The following MAX variants were observed in gnomAD, a reference collection of about 807,000 sequenced individuals.
MAX encodes protein max.
MAX carries 3 observed loss-of-function variants against 22.3 expected under a neutral mutation model. That is an observed-to-expected ratio of 0.13 (90% confidence interval 0.06 to 0.35). MAX has a LOEUF of 0.35. Among genes scored for constraint, MAX ranks in the 10% least tolerant of loss-of-function variants. The probability of loss-of-function intolerance (pLI) is 1.00; values close to 1 mark genes in which losing one functional copy is unlikely to be tolerated. For missense variants in MAX, 119 were observed against 209.4 expected (o/e 0.57, Z 2.66); for synonymous variants, 72 against 77.7 (o/e 0.93, Z 0.39).
chr14:65,042,232 A>G (rs1239358896), intron 3 of MAX, among the ~76,000 whole-genome samples: 1 of 152,158 alleles, frequency 6.6e-6, no homozygotes, highest in Non-Finnish European at 1.5e-5. Context: ...ATTCAAGTAC[A>G]TTACATTTAT....
intron 3 of MAX, among the ~76,000 whole-genome samples, chr14:65,026,121 G>A (rs931348163): frequency 1.2e-4 from 18 of 152,244 alleles, no homozygotes; most frequent in South Asian, 1.0e-3. Flanking sequence ...AGGTGAAAGC[G>A]CCCAGGAAAG....
chr14:65,101,832 C>T lies in MAX; in HGVS notation c.37-260G>A, dbSNP rs2063851857. 4.2e-5 allele frequency: 24 copies of T among 573,622 alleles called. No homozygotes were observed. In the South Asian group the frequency reaches 4.8e-4, roughly 12 times the overall value. 35.5% of individuals were successfully genotyped at this position (573,622 alleles called of 1,614,324 possible). ...GAGGGGTCCCGAGCACTGTCTCCTC[C>T]CTGCAGACCCAGCTCGGGCATCTAG... On this transcript the variant is annotated intron_variant, in intron 1 of 4. Coordinates refer to ENST00000358664, the MANE Select transcript of MAX (RefSeq NM_002382.5).
rs563364471 is a variant in MAX, at chr14:65,014,649, A to G, written c.172-8365T>C. On this transcript the variant is annotated intron_variant, in intron 3 of 3. Transcript: ENST00000341653. This position sits in a 1 kb window ranked among gnomAD's most constrained non-coding sequence, Gnocchi z 5.1. ...GGCAACATAGTGGGATGCTGTCTCT[A>G]TAAAAACTTAAAAAATTAGCCAGGC... is the stretch of plus-strand genomic sequence containing the variant. Among the ~76,000 whole-genome samples, 2 of 152,242 alleles carry G rather than the reference A, an allele frequency of 1.3e-5. No individual in the cohort carries two copies. Among genetic ancestry groups the G allele is most frequent in the South Asian group, 2.1e-4 (1 of 4,816 alleles).
intron 3 of MAX, chr14:65,061,218 A>C: frequency 6.2e-7 from 1 of 1,614,174 alleles, no homozygotes. Flanking sequence ...GGACCAGACA[A>C]GGTGATCCAG....
chr14:65,051,367 T>C (rs971747430), intron 3 of MAX, among the ~76,000 whole-genome samples: 2 of 152,236 alleles, frequency 1.3e-5, no homozygotes, highest in Non-Finnish European at 2.9e-5. Flanking sequence ...CCCAGTACTT[T>C]GGGAGGCCAA....
rs117158067 is a variant in MAX, at chr14:65,077,245, C to T, written c.296-582G>A. The T allele has an allele frequency of 1.4e-3, 1,277 of 883,890 alleles. 17 individuals are homozygous for T. In the East Asian group the frequency reaches 0.032, roughly 22 times the overall value. The allele number at this position is 883,890 out of a possible 1,614,324, so 54.8% of individuals were successfully genotyped here. The stretch of plus-strand genomic sequence containing the variant: ...CAACCCACTGACACCACCCACTGCC[C>T]ATCCCTTGGTTCAGCTCAGCTTGAG... On this transcript the variant is annotated intron_variant, in intron 4 of 4. Coordinates refer to ENST00000358664, the MANE Select transcript of MAX (RefSeq NM_002382.5). The surrounding 1 kb of genome is among the most constrained non-coding windows in gnomAD (Gnocchi z 6.3).
chr14:65,077,212 C>T lies in MAX; in HGVS notation c.296-549G>A, dbSNP rs1252123569. 4 of 703,784 alleles carry T rather than the reference C, an allele frequency of 5.7e-6. No individual in the cohort carries two copies. The Admixed American group carries it at 8.6e-5, about 15-fold the overall frequency. 43.6% of individuals were successfully genotyped at this position (703,784 alleles called of 1,614,324 possible). ...AGCCCCTACATGCAGGCTGCCTGGC[C>T]CAGTAACCAACCCACTGACACCACC... is the stretch of plus-strand genomic sequence containing the variant. On this transcript the variant is annotated intron_variant, in intron 4 of 4. Coordinates refer to ENST00000358664, the MANE Select transcript of MAX (RefSeq NM_002382.5). This position sits in a 1 kb window ranked among gnomAD's most constrained non-coding sequence, Gnocchi z 6.3.
At chr14:65,048,075 C>A (rs961273692) in intron 3 of MAX, among the ~76,000 whole-genome samples, 1 of 143,120 alleles carries the variant, frequency 7.0e-6, no homozygotes, top group Admixed American at 7.4e-5. Context: ...GTAGCCTCCT[C>A]GGTTCAATTG....
At chr14:65,057,646 C>CA (rs1303878434) in intron 3 of MAX, among the ~76,000 whole-genome samples, 1 of 152,178 alleles carries the variant, frequency 6.6e-6, no homozygotes, top group Non-Finnish European at 1.5e-5. Flanking sequence ...GGCAATGCAG[C>CA]AAGTCATTAA....
chr14:65,038,699 C>T (rs939983884), intron 3 of MAX, among the ~76,000 whole-genome samples: 6 of 152,326 alleles, frequency 3.9e-5, no homozygotes, highest in African/African-American at 1.4e-4. Context: ...GCCTCGGCAT[C>T]AGAGCGAGAC....
In MAX at chr14:65,054,760, C is replaced by G. The variant is rs751560364; in HGVS notation, c.171+38948G>C. ...GCGGACAGAAGGCTTTCCAAGTAAG[C>G]AGAACTGGCTCTGCATTTCCTGTGT... is the stretch of plus-strand genomic sequence containing the variant. On this transcript the variant is annotated intron_variant, in intron 3 of 3. Transcript: ENST00000341653. The surrounding 1 kb of genome is among the most constrained non-coding windows in gnomAD (Gnocchi z 4.4). 3.0e-5 allele frequency: 44 copies of G among 1,485,308 alleles called. No homozygotes were observed. Among genetic ancestry groups the G allele is most frequent in the Non-Finnish European group, 4.0e-5 (44 of 1,089,696 alleles). The allele number at this position is 1,485,308 out of a possible 1,614,324, so 92.0% of individuals were successfully genotyped here. A position where few individuals can be genotyped will look rare whatever the true frequency, so the allele number is the denominator to read the frequency against.
rs1047636053 is a variant in MAX, at chr14:65,102,195, G to A, written c.36+109C>T. ...GCACTCCTGGCCCCGAGGGGAAGGGGAAGGAGGCGGCGGCAGCCCGGCCCC... is the reference window on the plus strand; with the variant it reads ...GCACTCCTGGCCCCGAGGGGAAGGGAAAGGAGGCGGCGGCAGCCCGGCCCC... On this transcript the variant is annotated intron_variant, in intron 1 of 4. Coordinates refer to ENST00000358664, the MANE Select transcript of MAX (RefSeq NM_002382.5). 4.5e-6 allele frequency: 7 copies of A among 1,558,352 alleles called. No homozygotes were observed. The African/African-American group carries it at 6.8e-5, about 15-fold the overall frequency.
chr14:65,013,967 TGAG>T (rs1014357445), intron 3 of MAX, among the ~76,000 whole-genome samples: 9 of 152,326 alleles, frequency 5.9e-5, no homozygotes, highest in African/African-American at 2.2e-4. Flanking sequence ...GCGAGTAAGA[TGAG>T]GAGCTGGGAT....
At chr14:65,099,895 T>C (rs1228469345) in intron 2 of MAX, among the ~76,000 whole-genome samples, 3 of 152,206 alleles carry the variant, frequency 2.0e-5, no homozygotes, top group African/African-American at 4.8e-5. Flanking sequence ...CATCCCCGGA[T>C]TTTATGGAAA....
intron 3 of MAX, among the ~76,000 whole-genome samples, chr14:65,036,224 T>A (rs2062189447): frequency 6.6e-6 from 1 of 152,108 alleles, no homozygotes; most frequent in Non-Finnish European, 1.5e-5. Flanking sequence ...ATACTGAATT[T>A]AATTAATTTA....
At chr14:65,055,590 C>T (rs959508631) in intron 3 of MAX, among the ~76,000 whole-genome samples, 3 of 151,870 alleles carry the variant, frequency 2.0e-5, no homozygotes, top group Admixed American at 2.0e-4. Flanking sequence ...GATATTGGCT[C>T]ACTGCAACCT....
chr14:65,071,318 A>G (rs2062986691), downstream of MAX, among the ~76,000 whole-genome samples: 1 of 151,982 alleles, frequency 6.6e-6, no homozygotes. This position sits in a 1 kb window ranked among gnomAD's most constrained non-coding sequence, Gnocchi z 4.2. Flanking sequence ...ATTTTTTTGT[A>G]TTTTTAGTAG....
Position 65,031,852 on chromosome 14 carries a change from C to T in MAX, c.172-25568G>A, listed in dbSNP as rs745704723. ...AGGAGAATTGCTTGAACCCAGGAGGCGGAGGTTGCAGTGAGCTGAGATCAT... is the reference window on the plus strand; with the variant it reads ...AGGAGAATTGCTTGAACCCAGGAGGTGGAGGTTGCAGTGAGCTGAGATCAT... On this transcript the variant is annotated intron_variant, in intron 3 of 3. Coordinates refer to the MAX transcript ENST00000341653. This position sits in a 1 kb window ranked among gnomAD's most constrained non-coding sequence, Gnocchi z 4.6. Among the ~76,000 whole-genome samples the T allele has an allele frequency of 3.3e-5, 5 of 152,028 alleles. No homozygotes were observed. Among genetic ancestry groups the T allele is most frequent in the African/African-American group, 7.2e-5 (3 of 41,414 alleles).
rs2062499763 is a variant in MAX, at chr14:65,047,070, A to G, written c.172-40786T>C. On this transcript the variant is annotated intron_variant, in intron 3 of 3. Coordinates refer to the MAX transcript ENST00000341653. This position sits in a 1 kb window ranked among gnomAD's most constrained non-coding sequence, Gnocchi z 5.2. ...AATGGATGGACAACCCAACTGAAAA[A>G]CAGGCAAAGGATCTGAAGAAAGAGG... is the stretch of plus-strand genomic sequence containing the variant. Among the ~76,000 whole-genome samples, 2 of 152,218 alleles carry G rather than the reference A, an allele frequency of 1.3e-5. No homozygotes were observed. The highest frequency in any genetic ancestry group is 2.4e-5 in the African/African-American group (1 of 41,452).
Sources: gnomAD v4.1 joint callset for allele counts (sites outside exome capture counted in the v4.1 genomes callset) on GRCh38, gnomAD v4.1.1 for gene constraint, Gnocchi (gnomAD v3.1) non-coding constraint, MANE v1.5 for transcripts, NCBI Gene and HGNC (gene_info 2026-07-23, HGNC 2026-07-21) for gene names.